The following ROCK2 variants were observed in gnomAD, a reference collection of about 807,000 sequenced individuals.
The protein encoded by ROCK2 is rho-associated protein kinase 2.
Under a neutral mutation model 195.1 loss-of-function variants are expected in ROCK2, and 61 were observed. That is an observed-to-expected ratio of 0.31 (90% CI 0.25 to 0.39). The LOEUF (loss-of-function observed/expected upper bound fraction) is 0.39. Among genes scored for constraint, ROCK2 ranks in the 10% least tolerant of loss-of-function variants. The pLI, the probability that ROCK2 is intolerant of heterozygous loss-of-function variation, is 1.00. For synonymous variants in ROCK2, 504 were observed against 545.5 expected (o/e 0.92, Z 1.06); for missense variants, 1,109 against 1,637.4 (o/e 0.68, Z 5.57).
intron 1 of ROCK2, among the ~76,000 whole-genome samples, chr2:11,288,120 TA>T (rs776927594): frequency 2.0e-4 from 30 of 152,206 alleles, no homozygotes; most frequent in Non-Finnish European, 4.1e-4. Context: ...ATGTTGTGCC[TA>T]GTGCAGATTA....
rs1413019168 is a variant in ROCK2, at chr2:11,180,590, C to T, written c.*2847G>A. On this transcript the variant is annotated 3_prime_UTR_variant, in exon 33 of 33. Coordinates refer to ENST00000315872, the MANE Select transcript of ROCK2 (RefSeq NM_004850.5). ...TCCTTTCACTTCTGTCTCGTTATCC[C>T]CACAAAACAAAAGTAAAAAATCCAA... The T allele has an allele frequency of 3.9e-5, 6 of 152,058 alleles. No individual in the cohort carries two copies. The highest frequency in any genetic ancestry group is 1.2e-4 in the African/African-American group (5 of 41,378). 9.4% of individuals were successfully genotyped at this position (152,058 alleles called of 1,614,324 possible).
chr2:11,281,223 A>C (rs1256928719), intron 3 of ROCK2, among the ~76,000 whole-genome samples: 2 of 151,522 alleles, frequency 1.3e-5, no homozygotes, highest in Non-Finnish European at 2.9e-5. Context: ...AAAAAAAAAA[A>C]AAAAAAAACC....
At chr2:11,301,945 A>ACAGG (rs1411870158) in intron 1 of ROCK2, among the ~76,000 whole-genome samples, 1 of 151,920 alleles carries the variant, frequency 6.6e-6, no homozygotes, top group African/African-American at 2.4e-5. Context: ...AGCTGGGATT[A>ACAGG]CAGGCACCCA....
At chr2:11,239,482 A>C (rs1399454333) in intron 4 of ROCK2, among the ~76,000 whole-genome samples, 1 of 152,258 alleles carries the variant, frequency 6.6e-6, no homozygotes, top group African/African-American at 2.4e-5. Context: ...TTACAAAGTT[A>C]AACATAAATG....
chr2:11,339,507 TC>T (rs1395195958), intron 1 of ROCK2, among the ~76,000 whole-genome samples: 1 of 146,362 alleles, frequency 6.8e-6, no homozygotes, highest in Non-Finnish European at 1.5e-5. Flanking sequence ...CCAGAAATGC[TC>T]CTAGCAACAC....
rs778059351 is a variant in ROCK2, at chr2:11,211,738, C to T, written c.2146G>A (p.Ala716Thr). 6.2e-7 allele frequency: 1 copy of T among 1,613,578 alleles called. No homozygotes were observed. Among genetic ancestry groups the T allele is most frequent in the Non-Finnish European group, 8.5e-7 (1 of 1,179,782 alleles). ...AEHKATKARL[A>T]DKNKIYESIE... The stretch of plus-strand genomic sequence containing the variant: ...GACTCATAGATCTTATTTTTATCTG[C>T]TAGTCGTGCCTTTGTGGCCTTATGT... Residue 716 changes from alanine to threonine, a missense_variant, in exon 18 of 33, where the codon GCA becomes ACA. This residue lies in a region of ROCK2 where 542 missense variants were observed against 672.0 expected (regional missense o/e 0.81). Coordinates refer to ENST00000315872, the MANE Select transcript of ROCK2 (RefSeq NM_004850.5).
At chr2:11,336,149 T>A (rs1474888107) in intron 1 of ROCK2, among the ~76,000 whole-genome samples, 1 of 152,254 alleles carries the variant, frequency 6.6e-6, no homozygotes, top group African/African-American at 2.4e-5. Context: ...TTTTATAATT[T>A]AAAAAATGAC....
At chr2:11,317,887 T>C (rs554498666) in intron 1 of ROCK2, among the ~76,000 whole-genome samples, 30 of 151,876 alleles carry the variant, frequency 2.0e-4, no homozygotes, top group Non-Finnish European at 3.5e-4. Flanking sequence ...GTCCTTGTGA[T>C]AGTTTGCTCA....
In ROCK2 at chr2:11,197,448, C is replaced by T. The variant is rs760921911; in HGVS notation, c.3279+78G>A. On this transcript the variant is annotated intron_variant, in intron 26 of 32. Transcript: ENST00000315872. The surrounding 1 kb of genome is among the most constrained non-coding windows in gnomAD (Gnocchi z 4.9). ...ATTATTAAATAGAAATGGTCTATAACCAGTAAAACACAGACATGAAAATAA... is the reference window on the plus strand; with the variant it reads ...ATTATTAAATAGAAATGGTCTATAATCAGTAAAACACAGACATGAAAATAA... 1.3e-4 allele frequency: 202 copies of T among 1,536,478 alleles called. No individual in the cohort carries two copies. Among genetic ancestry groups the T allele is most frequent in the African/African-American group, 4.7e-4 (34 of 72,546 alleles).
At chr2:11,290,817 T>C (rs930008001) in intron 1 of ROCK2, among the ~76,000 whole-genome samples, 2 of 152,014 alleles carry the variant, frequency 1.3e-5, no homozygotes, top group Non-Finnish European at 2.9e-5. Flanking sequence ...ACTCCTAAAA[T>C]AAGACACTGG....
intron 20 of ROCK2, among the ~76,000 whole-genome samples, chr2:11,203,466 G>C (rs1375854): frequency 1 from 151,659 of 152,134 alleles, 75,603 homozygotes; most frequent in Middle Eastern, 1. Flanking sequence ...GAGAGCTTAC[G>C]TACTGCTTTT....
intron 1 of ROCK2, chr2:11,307,880 T>G (rs748696432): frequency 5.6e-6 from 6 of 1,068,736 alleles, no homozygotes; most frequent in Non-Finnish European, 7.6e-6. Flanking sequence ...AAAAATGGGC[T>G]TGGGCGGCTC....
At position 11,201,304 on chromosome 2, in the gene ROCK2, A is replaced by G. The variant is rs754736500; in HGVS notation, c.2723+6T>C. On this transcript the variant is annotated splice_donor_region_variant and intron_variant, in intron 22 of 32. Coordinates refer to ENST00000315872, the MANE Select transcript of ROCK2 (RefSeq NM_004850.5). The surrounding 1 kb of genome is among the most constrained non-coding windows in gnomAD (Gnocchi z 4.6). ...GAACAAAAAGAGACAAGGGTCTCAT[A>G]CTTACCGTTCATCCTGTAATTCCTG... The G allele has an allele frequency of 6.3e-7, 1 of 1,593,600 alleles. No homozygotes were observed. Among genetic ancestry groups the G allele is most frequent in the African/African-American group, 1.3e-5 (1 of 74,588 alleles).
At chr2:11,286,459 A>C (rs908240439) in intron 3 of ROCK2, 80 bp downstream of exon 3, 2 of 854,652 alleles carry the variant, frequency 2.3e-6, no homozygotes, top group Non-Finnish European at 3.8e-6. Context: ...CATAGAAATT[A>C]GATCTACTCA....
intron 1 of ROCK2, among the ~76,000 whole-genome samples, chr2:11,332,783 G>A (rs1572421122): frequency 1.3e-5 from 2 of 152,160 alleles, no homozygotes; most frequent in Non-Finnish European, 2.9e-5. Context: ...CTCACATATG[G>A]TGAATTCATA....
chr2:11,284,472 G>C (rs1047418931), intron 3 of ROCK2, among the ~76,000 whole-genome samples: 13 of 152,146 alleles, frequency 8.5e-5, no homozygotes, highest in African/African-American at 2.4e-4. Flanking sequence ...GACAATGGAA[G>C]TGTCTATGCA....
chr2:11,227,187 A>C, intron 6 of ROCK2, 67 bp downstream of exon 6: 1 of 1,424,344 alleles, frequency 7.0e-7, no homozygotes, highest in Non-Finnish European at 9.6e-7. Flanking sequence ...TTATATTCTC[A>C]AATTCTTGAC....
intron 1 of ROCK2, among the ~76,000 whole-genome samples, chr2:11,309,922 A>C (rs1476508617): frequency 6.6e-6 from 1 of 152,152 alleles, no homozygotes; most frequent in Non-Finnish European, 1.5e-5. Flanking sequence ...CAAAAGTTGG[A>C]GTGAGCCAAG....
chr2:11,204,717 G>A lies in ROCK2; in HGVS notation c.2550-2596C>T, dbSNP rs887117119. Among the ~76,000 whole-genome samples the A allele has an allele frequency of 3.9e-5, 6 of 152,142 alleles. No homozygotes were observed. The East Asian group carries it at 5.8e-4, about 15-fold the overall frequency. On this transcript the variant is annotated intron_variant, in intron 20 of 32. Transcript: ENST00000315872. ...AGTAATTATTCATCTTCAAGAGCTC[G>A]TTCCTATTCTGGCTGTTCCTTTTAC...
Sources: allele counts gnomAD v4.1 joint callset (sites outside exome capture counted in the v4.1 genomes callset), GRCh38; gene constraint gnomAD v4.1.1; regional missense constraint gnomAD v4.1.1; non-coding constraint Gnocchi (gnomAD v3.1); transcripts MANE v1.5; gene names NCBI Gene and HGNC (gene_info 2026-07-23, HGNC 2026-07-21).